Variants in PAX8 observed in about 807,000 individuals in gnomAD.
PAX8 encodes the protein paired box 8, also known as paired box protein Pax-8.
PAX8 carries 15 observed loss-of-function variants against 52.4 expected under a neutral mutation model. The observed-to-expected ratio is 0.29, with a 90% confidence interval of 0.19 to 0.44. The LOEUF is 0.44. PAX8 is among the 20% of genes least tolerant of loss of function. The probability of loss-of-function intolerance (pLI) is 1.00; values close to 1 mark genes in which losing one functional copy is unlikely to be tolerated. For synonymous variants in PAX8, 284 were observed against 249.7 expected, an observed-to-expected ratio of 1.14 and a Z score of -1.29; for missense variants, 554 against 602.5, an observed-to-expected ratio of 0.92 and a Z score of 0.84.
intron 2 of PAX8, chr2:113,263,545 G>A (rs973479277): frequency 6.6e-6 from 1 of 152,212 alleles, no homozygotes; most frequent in Non-Finnish European, 1.5e-5. Context: ...CATGAGGTAG[G>A]TGGGGCTGGC....
chr2:113,278,173 C>T (rs2277884), intron 2 of PAX8, among the ~76,000 whole-genome samples, 197 bp downstream of exon 2: 1 of 152,166 alleles, frequency 6.6e-6, no homozygotes, highest in African/African-American at 2.4e-5. Flanking sequence ...GCTCAGCTGG[C>T]CGGGTGGAAC....
rs202100430 is a variant in PAX8, at chr2:113,236,719, G to T, written c.780C>A (p.Gly260=). The T allele has an allele frequency of 6.4e-7, 1 of 1,561,176 alleles. No homozygotes were observed. Among genetic ancestry groups the T allele is most frequent in the African/African-American group, 1.4e-5 (1 of 73,850 alleles). The change falls in exon 8 of 12, where the codon GGC becomes GGA. Residue 260 remains glycine (G), a splice_region_variant and synonymous_variant. Coordinates refer to ENST00000429538, the MANE Select transcript of PAX8 (RefSeq NM_003466.4). ...ASPSHTKGEQ[G]LYPLPLLNST... ...TGTTGAGCAAGGGCAGCGGGTAGAG[G>T]CCCTGGGGAGCAAAGAGAAGTCAGC...
intron 2 of PAX8, chr2:113,274,323 A>G (rs1693663776): frequency 6.6e-6 from 1 of 152,102 alleles, no homozygotes; most frequent in African/African-American, 2.4e-5. Context: ...TTTAAGGGGT[A>G]GAAAACTGGG....
At chr2:113,239,779 G>A (rs1273066217) in intron 7 of PAX8, 1 of 152,138 alleles carries the variant, frequency 6.6e-6, no homozygotes, top group Non-Finnish European at 1.5e-5. Flanking sequence ...CACCATATCT[G>A]AAACAGGTGA....
intron 7 of PAX8, chr2:113,237,401 T>C (rs1380054221): frequency 6.6e-6 from 1 of 152,194 alleles, no homozygotes; most frequent in Non-Finnish European, 1.5e-5. Flanking sequence ...CAATTTTGTA[T>C]AGTGAAACAG....
intron 7 of PAX8, chr2:113,240,026 G>C (rs1690685374): frequency 6.6e-6 from 1 of 152,242 alleles, no homozygotes. Flanking sequence ...GGGGGGCTTA[G>C]GGATGGAGCC....
rs144041400 is a variant in PAX8 at position 113,216,768 on chromosome 2, C to T, written c.*1765G>A. 2,696 of 228,106 alleles carry T rather than the reference C, an allele frequency of 0.012. 32 individuals carry two copies. Among genetic ancestry groups the T allele is most frequent in the Non-Finnish European group, 0.016 (1,868 of 114,792 alleles). 14.1% of individuals were successfully genotyped at this position (228,106 alleles called of 1,614,324 possible). On this transcript the variant is annotated 3_prime_UTR_variant, in exon 12 of 12. Transcript: ENST00000429538. ...CACTGGGTCTAGAACCATTTGGCAT[C>T]CCTGATGAGGACTCTGGGGTTTTGG...
chr2:113,232,107 C>T (rs1411338362), intron 9 of PAX8, among the ~76,000 whole-genome samples: 1 of 152,202 alleles, frequency 6.6e-6, no homozygotes, highest in Non-Finnish European at 1.5e-5. Context: ...CCCTTCCTAA[C>T]CTTCCCCACC....
At chr2:113,242,374 G>A (rs2104489061) in intron 5 of PAX8, among the ~76,000 whole-genome samples, 1 of 152,238 alleles carries the variant, frequency 6.6e-6, no homozygotes, top group Non-Finnish European at 1.5e-5. Flanking sequence ...CTGTGCAGGA[G>A]GCAGCAAGCC....
intron 11 of PAX8, among the ~76,000 whole-genome samples, chr2:113,219,590 G>A (rs566395728): frequency 4.3e-4 from 65 of 152,330 alleles, no homozygotes; most frequent in Non-Finnish European, 8.7e-4. Context: ...AAAGATTTCT[G>A]TTTAAGGGTT....
intron 2 of PAX8, among the ~76,000 whole-genome samples, chr2:113,252,006 C>T (rs1311553054): frequency 1.3e-5 from 2 of 152,174 alleles, no homozygotes; most frequent in African/African-American, 4.8e-5. Flanking sequence ...TGCATGGATT[C>T]CCATGATTCT....
rs1361043149 is a variant in PAX8 at position 113,242,025 on chromosome 2, T to C, written c.584A>G (p.Lys195Arg). Residue 195 changes from lysine to arginine, a missense_variant, in exon 6 of 12, where the codon AAG becomes AGG. Lys to Arg is a conservative substitution (Grantham distance 26, BLOSUM62 2). Transcript: ENST00000429538. The stretch of plus-strand genomic sequence containing the variant: ...GCACTCACTGTCATCCATTTTCCTC[T>C]TGTCGCTGCCAGGCTGAGCGATGCC... Reference protein sequence around the residue: ...LLGIAQPGSDKRKMDDSDQDS... With the variant: ...LLGIAQPGSDRRKMDDSDQDS... 6.2e-7 allele frequency: 1 copy of C among 1,613,690 alleles called. No homozygotes were observed. The highest frequency in any genetic ancestry group is 2.2e-5 in the East Asian group (1 of 44,854).
intron 2 of PAX8, among the ~76,000 whole-genome samples, chr2:113,260,050 T>C (rs116632415): frequency 0.021 from 3,190 of 152,168 alleles, 128 homozygotes; most frequent in African/African-American, 0.072. Context: ...TTTTAATGGG[T>C]TTATATTAAA....
In PAX8 at chr2:113,236,645, A is replaced by G; in HGVS notation, c.854T>C (p.Leu285Pro). ...CTGGTGAGTCGAGAGGTTGCGCCCC[A>G]GTGGCGTGTTGGAAGGGGTCAGGGT... ...KATLTPSNTP[L>P]GRNLSTHQTY... The change falls in exon 8 of 12, where the codon CTG becomes CCG. Residue 285 changes from leucine (L) to proline (P), a missense_variant. Coordinates refer to ENST00000429538, the MANE Select transcript of PAX8 (RefSeq NM_003466.4). 2 of 1,595,554 alleles carry G rather than the reference A, an allele frequency of 1.3e-6. No homozygotes were observed. The highest frequency in any genetic ancestry group is 1.7e-6 in the Non-Finnish European group (2 of 1,171,494).
At chr2:113,229,732 AATACAACAC>A (rs1689778568) in intron 9 of PAX8, among the ~76,000 whole-genome samples, 1 of 152,354 alleles carries the variant, frequency 6.6e-6, no homozygotes, top group Middle Eastern at 3.4e-3. Flanking sequence ...TTTGAAGAAG[AATACAACAC>A]AATCGACCCT....
chr2:113,227,983 C>G (rs1689684673), intron 9 of PAX8, among the ~76,000 whole-genome samples: 1 of 152,162 alleles, frequency 6.6e-6, no homozygotes, highest in African/African-American at 2.4e-5. Context: ...CCATTTTTAG[C>G]AAAACAGACA....
At chr2:113,245,233 GAC>G (rs1159072265) in intron 3 of PAX8, among the ~76,000 whole-genome samples, 2 of 152,044 alleles carry the variant, frequency 1.3e-5, no homozygotes, top group Non-Finnish European at 2.9e-5. Context: ...TTTTAGTAGA[GAC>G]AGGTTTCACT....
intron 9 of PAX8, among the ~76,000 whole-genome samples, chr2:113,231,323 G>C (rs919073004): frequency 6.6e-6 from 1 of 152,264 alleles, no homozygotes; most frequent in African/African-American, 2.4e-5. Context: ...GGACGGCCTC[G>C]ACATTGCTGT....
In PAX8 at chr2:113,278,423, G is replaced by A. The variant is rs1014339398; in HGVS notation, c.-29C>T. 8.1e-6 allele frequency: 13 copies of A among 1,610,338 alleles called. No homozygotes were observed. Among genetic ancestry groups the A allele is most frequent in the Non-Finnish European group, 1.0e-5 (12 of 1,178,788 alleles). The stretch of plus-strand genomic sequence containing the variant: ...CGGGGAGTCGCTCGCAGCCCGCCGA[G>A]GGCTCGGGGCTTCCTCCCGTAGGTC... On this transcript the variant is annotated 5_prime_UTR_variant, in exon 2 of 12. Coordinates refer to ENST00000429538, the MANE Select transcript of PAX8 (RefSeq NM_003466.4).
Sources: allele counts gnomAD v4.1 joint callset (sites outside exome capture counted in the v4.1 genomes callset), GRCh38; gene constraint gnomAD v4.1.1; transcripts MANE v1.5; gene names NCBI Gene and HGNC (gene_info 2026-07-23, HGNC 2026-07-21).